NCOR2: variants seen among roughly 807,000 people sequenced by gnomAD.
NCOR2 encodes the protein CTG repeat protein 26.
A neutral mutation model predicts 262.9 loss-of-function variants in NCOR2; 81 were observed. The ratio of observed to expected loss-of-function variants is 0.31; its 90% CI spans 0.26 to 0.37. The LOEUF (loss-of-function observed/expected upper bound fraction) is 0.37, where lower values mean the gene tolerates loss of function less well. NCOR2 is among the 10% of genes least tolerant of loss of function. The pLI, the probability that NCOR2 is intolerant of heterozygous loss-of-function variation, is 1.00. For synonymous variants in NCOR2, 1,659 were observed against 1,559.3 expected, an observed-to-expected ratio of 1.06 and a Z score of -1.51; for missense variants, 3,385 against 3,621.4, an observed-to-expected ratio of 0.93 and a Z score of 1.68.
At position 124,432,511 on chromosome 12, in the gene NCOR2, C is replaced by T. The variant is rs111307439; in HGVS notation, c.883-1724G>A. ...GCTTCCAGTGTCCAGCAGCCACATG[C>T]GGCTGGGGCTCCGGCCGCACCAGAC... On this transcript the variant is annotated intron_variant, in intron 8 of 46. Coordinates refer to ENST00000405201, the Ensembl canonical transcript of NCOR2. This position sits in a 1 kb window ranked among gnomAD's most constrained non-coding sequence, Gnocchi z 5.1. 2.0e-5 allele frequency among the ~76,000 whole-genome samples: 3 copies of T among 152,190 alleles called. No individual in the cohort carries two copies. The highest frequency in any genetic ancestry group is 2.9e-5 in the Non-Finnish European group (2 of 68,026).
At chr12:124,441,623 A>G (rs2044814135) in intron 7 of NCOR2, among the ~76,000 whole-genome samples, 1 of 152,210 alleles carries the variant, frequency 6.6e-6, no homozygotes, top group African/African-American at 2.4e-5. Flanking sequence ...GCACAGTCTC[A>G]AAGAATCTCC....
chr12:124,544,877 A>T (rs967387401), intron 1 of NCOR2, among the ~76,000 whole-genome samples: 1 of 151,660 alleles, frequency 6.6e-6, no homozygotes, highest in Non-Finnish European at 1.5e-5. Context: ...AACTTCGCAG[A>T]GGCAGTTTCC....
intron 14 of NCOR2, among the ~76,000 whole-genome samples, chr12:124,401,678 C>T (rs748229737): frequency 5.9e-5 from 9 of 152,230 alleles, no homozygotes; most frequent in East Asian, 1.9e-4. Context: ...CTGGGGCTCT[C>T]GCAGAAGTGA....
intron 3 of NCOR2, among the ~76,000 whole-genome samples, chr12:124,474,811 C>T (rs2047013141): frequency 6.6e-6 from 1 of 152,198 alleles, no homozygotes; most frequent in African/African-American, 2.4e-5. Context: ...AGCCCCCGCC[C>T]TGTGCCATCC....
chr12:124,479,262 ACACACG>A (rs2047272754), intron 3 of NCOR2, among the ~76,000 whole-genome samples: 1 of 151,532 alleles, frequency 6.6e-6, no homozygotes, highest in African/African-American at 2.4e-5. Context: ...GCACACACAA[ACACACG>A]CACACATGCA....
At chr12:124,396,283 T>C (rs2041651135) in intron 16 of NCOR2, among the ~76,000 whole-genome samples, 1 of 152,222 alleles carries the variant, frequency 6.6e-6, no homozygotes, top group Non-Finnish European at 1.5e-5. Context: ...CCAATGCAGA[T>C]GTACTTCATG....
chr12:124,368,322 A>G (rs1015816328), intron 20 of NCOR2, among the ~76,000 whole-genome samples: 1 of 152,150 alleles, frequency 6.6e-6, no homozygotes, highest in Non-Finnish European at 1.5e-5. Flanking sequence ...ATTCATCGGA[A>G]CATGCTGGGC....
intron 7 of NCOR2, among the ~76,000 whole-genome samples, chr12:124,439,258 GAGAT>G (rs2044648955): frequency 0.021 from 1,704 of 83,048 alleles, no homozygotes; most frequent in Non-Finnish European, 0.022. Flanking sequence ...CAGAGAGAGA[GAGAT>G]GGAGACCCTG....
At chr12:124,402,106 G>A (rs1268975522) in intron 14 of NCOR2, among the ~76,000 whole-genome samples, 1 of 152,198 alleles carries the variant, frequency 6.6e-6, no homozygotes, top group Admixed American at 6.5e-5. Flanking sequence ...CAAAGTCATT[G>A]CCTGGATTTA....
At chr12:124,325,391 C>CCCCCCCCCCCTGG in exon 47 of NCOR2, 1 of 1,128,216 alleles carries the variant, frequency 8.9e-7, no homozygotes, top group Non-Finnish European at 1.1e-6. Flanking sequence ...CCCCCCCCGC[C>CCCCCCCCCCCTGG]CTGTTCTGAG....
rs989471039 is a variant in NCOR2 at position 124,394,637 on chromosome 12, G to A, written c.1876+3482C>T. Among the ~76,000 whole-genome samples, 4 of 152,248 alleles carry A rather than the reference G, an allele frequency of 2.6e-5. 1 individual carries two copies. In the South Asian group the frequency reaches 8.3e-4, roughly 31 times the overall value. ...AGACAAAGGCAGAGCCTGGAGGGAT[G>A]TGGTCATGAGCCAGGGACTGCCAAG... On this transcript the variant is annotated intron_variant, in intron 16 of 46. Transcript: ENST00000405201.
chr12:124,358,668 A>G (rs1308359306), intron 22 of NCOR2, among the ~76,000 whole-genome samples: 1 of 152,220 alleles, frequency 6.6e-6, no homozygotes, highest in Non-Finnish European at 1.5e-5. Context: ...GCAAATACTT[A>G]GCCGAGTCAG....
At chr12:124,352,511 T>A (rs1314958894) in intron 27 of NCOR2, among the ~76,000 whole-genome samples, 1 of 152,118 alleles carries the variant, frequency 6.6e-6, no homozygotes, top group Non-Finnish European at 1.5e-5. Flanking sequence ...TAGCTGAGAC[T>A]ACAGGTATGT....
In NCOR2 at chr12:124,482,436, G is replaced by A. The variant is rs576256135; in HGVS notation, c.411+1160C>T. On this transcript the variant is annotated intron_variant, in intron 3 of 46. Coordinates refer to ENST00000405201, the Ensembl canonical transcript of NCOR2. This position sits in a 1 kb window ranked among gnomAD's most constrained non-coding sequence, Gnocchi z 6.3. ...ACGCAGGTATCCTCTCTCCCCGAGAGAAGGCCGAGTCTGGCCCAGGTGGCC... is the reference window on the plus strand; with the variant it reads ...ACGCAGGTATCCTCTCTCCCCGAGAAAAGGCCGAGTCTGGCCCAGGTGGCC... 6.6e-6 allele frequency among the ~76,000 whole-genome samples: 1 copy of A among 152,282 alleles called. No individual in the cohort carries two copies. The highest frequency in any genetic ancestry group is 2.1e-4 in the South Asian group (1 of 4,824).
intron 6 of NCOR2, among the ~76,000 whole-genome samples, chr12:124,450,686 G>A (rs1257001846): frequency 6.6e-6 from 1 of 152,202 alleles, no homozygotes; most frequent in East Asian, 1.9e-4. Flanking sequence ...GACGCAGAAA[G>A]CACGGCAGCA....
In NCOR2 at chr12:124,511,625, T is replaced by A. The variant is rs566770743; in HGVS notation, c.-117-16257A>T. ...GGGACAGCGAACAGCAGGCGGCAGG[T>A]GGGGTCTAGGGCCTTGTGGATTTGG... On this transcript the variant is annotated intron_variant, in intron 1 of 46. Coordinates refer to the NCOR2 transcript ENST00000404621. Among the ~76,000 whole-genome samples the A allele has an allele frequency of 3.3e-5, 5 of 152,140 alleles. No homozygotes were observed. In the South Asian group the frequency reaches 1.0e-3, roughly 32 times the overall value.
chr12:124,340,977 C>T (rs1455823499), intron 34 of NCOR2, among the ~76,000 whole-genome samples: 1 of 152,236 alleles, frequency 6.6e-6, no homozygotes, highest in Non-Finnish European at 1.5e-5. Flanking sequence ...CGAGCCGGGG[C>T]ATCTCCTGCA....
intron 34 of NCOR2, 125 bp from the exon 37 acceptor site, chr12:124,340,876 C>A (rs2135820129): frequency 2.1e-6 from 2 of 952,862 alleles, no homozygotes; most frequent in East Asian, 6.5e-5. Context: ...TGGTGGCAGG[C>A]ACTCCCTCCT....
upstream of NCOR2, among the ~76,000 whole-genome samples, chr12:124,497,568 A>G (rs952826914): frequency 1.2e-4 from 18 of 152,248 alleles, no homozygotes; most frequent in Non-Finnish European, 2.5e-4. The surrounding 1 kb of genome is among the most constrained non-coding windows in gnomAD (Gnocchi z 4.2). Flanking sequence ...TTATCAGCAT[A>G]GGTATACAGA....
Sources: allele counts gnomAD v4.1 joint callset (sites outside exome capture counted in the v4.1 genomes callset), GRCh38; gene constraint gnomAD v4.1.1; non-coding constraint Gnocchi (gnomAD v3.1); transcripts MANE v1.5; gene names NCBI Gene and HGNC (gene_info 2026-07-23, HGNC 2026-07-21).